Variants in CRYL1 observed in about 807,000 individuals in gnomAD.
The protein encoded by CRYL1 is crystallin lambda 1, also known as lambda-crystallin homolog.
Under a neutral mutation model 36.6 loss-of-function variants are expected in CRYL1, and 29 were observed. The ratio of observed to expected loss-of-function variants is 0.79; its 90% CI spans 0.59 to 1.08. CRYL1 has a LOEUF of 1.08. Ranked by LOEUF, CRYL1 falls within the 50% of genes least tolerant of loss-of-function variation. The pLI, the probability that CRYL1 is intolerant of heterozygous loss-of-function variation, is 0.00. For synonymous variants in CRYL1, 152 were observed against 151.5 expected (o/e 1.00, Z -0.02); for missense variants, 411 against 407.9 (o/e 1.01, Z -0.06).
intron 6 of CRYL1, among the ~76,000 whole-genome samples, chr13:20,411,385 T>C (rs1407968824): frequency 6.6e-6 from 1 of 152,218 alleles, no homozygotes; most frequent in Non-Finnish European, 1.5e-5. Flanking sequence ...GTTTCTGGTT[T>C]CATTGGCTTC....
intron 6 of CRYL1, among the ~76,000 whole-genome samples, chr13:20,406,926 C>A (rs1422751802): frequency 6.6e-6 from 1 of 151,772 alleles, no homozygotes; most frequent in African/African-American, 2.4e-5. Context: ...AGCACTTGCT[C>A]TCTGGAACAT....
chr13:20,453,480 A>G (rs2032616332), intron 3 of CRYL1, among the ~76,000 whole-genome samples: 2 of 152,164 alleles, frequency 1.3e-5, no homozygotes, highest in Admixed American at 1.3e-4. Flanking sequence ...TGAAAACACA[A>G]TATATTAAAT....
chr13:20,522,090 C>T (rs1233096614), intron 1 of CRYL1, among the ~76,000 whole-genome samples: 2 of 152,166 alleles, frequency 1.3e-5, no homozygotes, highest in Non-Finnish European at 2.9e-5. Context: ...TGGCTCACGC[C>T]TGTAATCTCA....
Position 20,525,801 on chromosome 13 carries a change from G to T in CRYL1, c.-7C>A. The T allele has an allele frequency of 1.6e-6, 2 of 1,245,066 alleles. No individual in the cohort carries two copies. Among genetic ancestry groups the T allele is most frequent in the Admixed American group, 4.2e-5 (1 of 24,004 alleles). 77.1% of individuals were successfully genotyped at this position (1,245,066 alleles called of 1,614,324 possible). ...CGGCCGCGGAGGACGCCATGGTTGG[G>T]CCGGGGACGCGGCGCCGCGGGCGCT... On this transcript the variant is annotated 5_prime_UTR_variant, in exon 1 of 8. Transcript: ENST00000298248. This position sits in a 1 kb window ranked among gnomAD's most constrained non-coding sequence, Gnocchi z 4.3.
At chr13:20,447,122 C>T (rs2032472649) in intron 3 of CRYL1, among the ~76,000 whole-genome samples, 1 of 152,196 alleles carries the variant, frequency 6.6e-6, no homozygotes, top group Non-Finnish European at 1.5e-5. Flanking sequence ...GATGATGAGG[C>T]TCACTGATTT....
intron 2 of CRYL1, among the ~76,000 whole-genome samples, chr13:20,493,595 T>A (rs113196334): frequency 0.21 from 31,562 of 151,910 alleles, 3,476 homozygotes; most frequent in East Asian, 0.3. Flanking sequence ...GGGAGGTGGA[T>A]ATTTCAGTGA....
intron 2 of CRYL1, among the ~76,000 whole-genome samples, chr13:20,503,005 A>G (rs1438790369): frequency 6.7e-6 from 1 of 148,854 alleles, no homozygotes. Flanking sequence ...ACGCAGGATC[A>G]TACCGGAAGC....
chr13:20,412,450 CA>C (rs1276861376), intron 6 of CRYL1, among the ~76,000 whole-genome samples: 1 of 152,082 alleles, frequency 6.6e-6, no homozygotes, highest in Non-Finnish European at 1.5e-5. Context: ...ATAACACAGA[CA>C]AGCAAAAAGA....
intron 5 of CRYL1, among the ~76,000 whole-genome samples, chr13:20,428,474 T>C (rs2031981470): frequency 6.6e-6 from 1 of 152,092 alleles, no homozygotes; most frequent in Non-Finnish European, 1.5e-5. Context: ...CCTATGAATT[T>C]AGATGCAAAA....
chr13:20,500,739 G>A (rs561775532), intron 2 of CRYL1, among the ~76,000 whole-genome samples: 3 of 152,314 alleles, frequency 2.0e-5, no homozygotes, highest in East Asian at 3.9e-4. Context: ...TCAGCAGGAA[G>A]GAGACAGAAA....
chr13:20,507,455 G>T (rs933908655), intron 2 of CRYL1, among the ~76,000 whole-genome samples: 5 of 152,142 alleles, frequency 3.3e-5, no homozygotes, highest in African/African-American at 1.2e-4. Context: ...TCAACTCCTT[G>T]TCTGGAGTCC....
At chr13:20,521,911 C>A (rs761357983) in intron 1 of CRYL1, among the ~76,000 whole-genome samples, 2 of 152,168 alleles carry the variant, frequency 1.3e-5, no homozygotes, top group Non-Finnish European at 2.9e-5. Context: ...TTAAGTAACT[C>A]CTGCGAAGGG....
chr13:20,437,168 A>AG (rs2032240383), intron 4 of CRYL1, among the ~76,000 whole-genome samples: 1 of 151,374 alleles, frequency 6.6e-6, no homozygotes, highest in Admixed American at 6.6e-5. Context: ...AGAATAAAAA[A>AG]AGAGAGAGAG....
At chr13:20,448,006 A>T (rs1367771433) in intron 3 of CRYL1, among the ~76,000 whole-genome samples, 3 of 152,308 alleles carry the variant, frequency 2.0e-5, no homozygotes, top group South Asian at 4.1e-4. Context: ...GATCTATATG[A>T]CTCTGATATT....
At chr13:20,447,766 C>G (rs2032487683) in intron 3 of CRYL1, among the ~76,000 whole-genome samples, 1 of 152,108 alleles carries the variant, frequency 6.6e-6, no homozygotes, top group South Asian at 2.1e-4. Flanking sequence ...TAAGGATAAC[C>G]ATAACAACTG....
At chr13:20,430,725 G>A (rs778398686) in intron 5 of CRYL1, 155 of 985,148 alleles carry the variant, frequency 1.6e-4, no homozygotes, top group Non-Finnish European at 1.8e-4. Context: ...TACTCAGGGC[G>A]CTAAAATATC....
intron 3 of CRYL1, among the ~76,000 whole-genome samples, chr13:20,454,182 A>G (rs1257345076): frequency 6.6e-6 from 1 of 152,130 alleles, no homozygotes; most frequent in Non-Finnish European, 1.5e-5. Context: ...AGACAAAGAC[A>G]TTACATGGGG....
Position 20,437,572 on chromosome 13 carries a change from G to A in CRYL1, c.438+2021C>T, listed in dbSNP as rs556129106. ...TCCACCCACCTCGGCCTCCCAAAGG[G>A]GAAGATTAATTTTTAAAATAGGGTC... On this transcript the variant is annotated intron_variant, in intron 4 of 7. Coordinates refer to ENST00000298248, the MANE Select transcript of CRYL1 (RefSeq NM_015974.3). 9.7e-4 allele frequency among the ~76,000 whole-genome samples: 148 copies of A among 152,248 alleles called. 2 individuals carry two copies. The highest frequency in any genetic ancestry group is 3.3e-3 in the South Asian group (16 of 4,818).
Position 20,425,807 on chromosome 13 carries a change from C to T in CRYL1, c.633+6295G>A, listed in dbSNP as rs1419015137. ...ACATTCTAATTTCAGCATAACAGTT[C>T]ATAATGCAGTGGATTATGCGCAAAC... On this transcript the variant is annotated intron_variant, in intron 5 of 7. Coordinates refer to ENST00000298248, the MANE Select transcript of CRYL1 (RefSeq NM_015974.3). The surrounding 1 kb of genome is among the most constrained non-coding windows in gnomAD (Gnocchi z 4.4). Among the ~76,000 whole-genome samples the T allele has an allele frequency of 6.6e-6, 1 of 152,128 alleles. No individual in the cohort carries two copies. Among genetic ancestry groups the T allele is most frequent in the African/African-American group, 2.4e-5 (1 of 41,418 alleles).
Sources: gnomAD v4.1 joint callset for allele counts (sites outside exome capture counted in the v4.1 genomes callset) on GRCh38, gnomAD v4.1.1 for gene constraint, Gnocchi (gnomAD v3.1) non-coding constraint, MANE v1.5 for transcripts, NCBI Gene and HGNC (gene_info 2026-07-23, HGNC 2026-07-21) for gene names.